Variants in PEX7 observed in about 807,000 individuals in gnomAD.
PEX7 encodes peroxisomal biogenesis factor 7.
Under a neutral mutation model 47.5 loss-of-function variants are expected in PEX7, and 34 were observed. That is an observed-to-expected ratio of 0.72 (90% confidence interval 0.54 to 0.95). The LOEUF is 0.95. Among genes scored for constraint, PEX7 ranks in the 40% least tolerant of loss-of-function variants. PEX7 has a pLI of 0.00. For missense variants in PEX7, 394 were observed against 400.3 expected, an observed-to-expected ratio of 0.98 and a Z score of 0.13; for synonymous variants, 141 against 148.8, an observed-to-expected ratio of 0.95 and a Z score of 0.38.
At chr6:136,839,483 T>C (rs1774455234) in intron 3 of PEX7, among the ~76,000 whole-genome samples, 1 of 152,224 alleles carries the variant, frequency 6.6e-6, no homozygotes, top group Non-Finnish European at 1.5e-5. Flanking sequence ...CACAAAACAT[T>C]GTGCGGTGGG....
In PEX7 at chr6:136,908,384, G is replaced by T. The variant is rs1385379833; in HGVS notation, c.904-5074G>T. On this transcript the variant is annotated intron_variant, in intron 9 of 9. Transcript: ENST00000318471. ...TAGATAGCATCTTTTAAAATAATAAGATTGGTTCTCTCTTCAAATTTTACA... is the reference window on the plus strand; with the variant it reads ...TAGATAGCATCTTTTAAAATAATAATATTGGTTCTCTCTTCAAATTTTACA... 2.0e-5 allele frequency among the ~76,000 whole-genome samples: 3 copies of T among 152,012 alleles called. No homozygotes were observed. The East Asian group carries it at 5.8e-4, about 29-fold the overall frequency.
In PEX7 at chr6:136,908,219, G is replaced by A. The variant is rs545843954; in HGVS notation, c.904-5239G>A. Among the ~76,000 whole-genome samples, 17 of 152,196 alleles carry A rather than the reference G, an allele frequency of 1.1e-4. No individual in the cohort carries two copies. In the East Asian group the frequency reaches 3.3e-3, roughly 29 times the overall value. ...AAACTGACACATTAGTTCAAAGCAA[G>A]TAATTTGTATTTCTGATTAGTGTGC... On this transcript the variant is annotated intron_variant, in intron 9 of 9. Coordinates refer to ENST00000318471, the MANE Select transcript of PEX7 (RefSeq NM_000288.4).
At chr6:136,863,439 T>C (rs1226790386) in intron 5 of PEX7, among the ~76,000 whole-genome samples, 1 of 152,116 alleles carries the variant, frequency 6.6e-6, no homozygotes, top group Non-Finnish European at 1.5e-5. Flanking sequence ...AAAAAAATCC[T>C]ACATACAAAG....
At chr6:136,823,872 A>ACTT (rs1362239363) in intron 1 of PEX7, among the ~76,000 whole-genome samples, 1 of 152,232 alleles carries the variant, frequency 6.6e-6, no homozygotes, top group African/African-American at 2.4e-5. Flanking sequence ...CCTGGGCAAG[A>ACTT]AGAGCAAAAC....
rs568457213 is a variant in PEX7 at position 136,848,631 on chromosome 6, T to C, written c.526+2450T>C. ...ATCATGTGGTTTTTGTCTTTGGTTC[T>C]GTTTATATGATGGATTACATTTATT... On this transcript the variant is annotated intron_variant, in intron 5 of 9. Transcript: ENST00000318471. Among the ~76,000 whole-genome samples, 3 of 152,356 alleles carry C rather than the reference T, an allele frequency of 2.0e-5. 1 individual carries two copies. Among genetic ancestry groups the C allele is most frequent in the Admixed American group, 1.3e-4 (2 of 15,298 alleles).
chr6:136,831,453 A>G (rs946078116), intron 3 of PEX7, among the ~76,000 whole-genome samples: 1 of 152,192 alleles, frequency 6.6e-6, no homozygotes. Context: ...AAGCCAAACC[A>G]TATCATTCCA....
In PEX7 at chr6:136,913,579, A is replaced by G; in HGVS notation, c.*53A>G. 1.8e-6 allele frequency: 2 copies of G among 1,111,160 alleles called. No individual in the cohort carries two copies. The highest frequency in any genetic ancestry group is 3.9e-4 in the Middle Eastern group (2 of 5,096). The allele number at this position is 1,111,160 out of a possible 1,614,324, so 68.8% of individuals were successfully genotyped here. ...GATGTTGGCTGAAGAACTGCCTAAC[A>G]GCAAATAAATTAACTATGGAAAACA... is the stretch of plus-strand genomic sequence containing the variant. On this transcript the variant is annotated 3_prime_UTR_variant, in exon 10 of 10. Coordinates refer to ENST00000318471, the MANE Select transcript of PEX7 (RefSeq NM_000288.4).
chr6:136,834,586 A>G (rs12110737), intron 3 of PEX7, among the ~76,000 whole-genome samples: 7,045 of 152,336 alleles, frequency 0.046, 192 homozygotes, highest in African/African-American at 0.087. Context: ...TGGCATGTCC[A>G]CACAACCAGA....
chr6:136,862,845 G>A (rs926441863), intron 5 of PEX7, among the ~76,000 whole-genome samples: 2 of 152,196 alleles, frequency 1.3e-5, no homozygotes, highest in Non-Finnish European at 2.9e-5. Flanking sequence ...TCAGTCAATT[G>A]TGTTGAGGTG....
At chr6:136,892,306 A>C (rs144202095) in intron 8 of PEX7, among the ~76,000 whole-genome samples, 1 of 152,166 alleles carries the variant, frequency 6.6e-6, no homozygotes, top group Non-Finnish European at 1.5e-5. Flanking sequence ...GTCCATGCCT[A>C]TTTGAACTTT....
chr6:136,884,739 T>C (rs191127657), intron 8 of PEX7, among the ~76,000 whole-genome samples: 1 of 152,304 alleles, frequency 6.6e-6, no homozygotes, highest in Admixed American at 6.5e-5. Context: ...AAGTGATATA[T>C]AACATAGCAT....
intron 3 of PEX7, among the ~76,000 whole-genome samples, chr6:136,837,359 C>CAAAA (rs1196321390): frequency 3.9e-4 from 8 of 20,694 alleles, no homozygotes; most frequent in African/African-American, 2.3e-3. Flanking sequence ...GAGAGTCTGT[C>CAAAA]ACAAAAAAAA....
rs57765125 is a variant in PEX7 at position 136,876,042 on chromosome 6, ATT to A, written c.803+3801_803+3802del. On this transcript the variant is annotated intron_variant, in intron 8 of 9. Coordinates refer to ENST00000318471, the MANE Select transcript of PEX7 (RefSeq NM_000288.4). ...ATCATATTTTCAATTCTTTCATTAA[ATT>A]TTTTTTTTTTTGAGACAGAGTCTGG... is the stretch of plus-strand genomic sequence containing the variant. Among the ~76,000 whole-genome samples the A allele has an allele frequency of 5.3e-3, 750 of 140,330 alleles. 1 individual carries two copies. Among genetic ancestry groups the A allele is most frequent in the Non-Finnish European group, 8.9e-3 (568 of 63,914 alleles). The allele number at this position is 140,330 out of a possible 152,430, so 92.1% of individuals were successfully genotyped here. A position where few individuals can be genotyped will look rare whatever the true frequency, so the allele number is the denominator to read the frequency against.
intron 3 of PEX7, among the ~76,000 whole-genome samples, chr6:136,843,978 A>G (rs1774549499): frequency 6.6e-6 from 1 of 152,174 alleles, no homozygotes; most frequent in Admixed American, 6.5e-5. Flanking sequence ...AATGCAAAAA[A>G]CCCATTATGA....
intron 8 of PEX7, among the ~76,000 whole-genome samples, chr6:136,891,588 T>C (rs1156872935): frequency 1.3e-5 from 2 of 152,148 alleles, no homozygotes; most frequent in Admixed American, 1.3e-4. Context: ...TAAATGAATG[T>C]TACCATCAGT....
At chr6:136,847,653 G>A (rs1251792694) in intron 5 of PEX7, among the ~76,000 whole-genome samples, 1 of 151,778 alleles carries the variant, frequency 6.6e-6, no homozygotes, top group Non-Finnish European at 1.5e-5. Context: ...TCAGATAGTT[G>A]TAGATATGCG....
chr6:136,823,720 A>G (rs1774131450), intron 1 of PEX7, among the ~76,000 whole-genome samples: 1 of 152,168 alleles, frequency 6.6e-6, no homozygotes, highest in Non-Finnish European at 1.5e-5. Flanking sequence ...GAGAAACCCC[A>G]TCTCTACTGA....
chr6:136,870,030 G>A, intron 7 of PEX7, 27 bp downstream of exon 7: 1 of 1,344,936 alleles, frequency 7.4e-7, no homozygotes, highest in Non-Finnish European at 1.1e-6. Context: ...TCTTTTATAT[G>A]TAGAATAAAA....
At chr6:136,870,639 G>T (rs1035037686) in intron 7 of PEX7, 1 of 240,752 alleles carries the variant, frequency 4.2e-6, no homozygotes, top group Non-Finnish European at 8.4e-6. Flanking sequence ...TTACGTTAAG[G>T]ATAAAAAAGT....
Sources: allele counts gnomAD v4.1 joint callset (sites outside exome capture counted in the v4.1 genomes callset), GRCh38; gene constraint gnomAD v4.1.1; transcripts MANE v1.5; gene names NCBI Gene and HGNC (gene_info 2026-07-23, HGNC 2026-07-21).